Variants in GABRA2 observed in about 807,000 individuals in gnomAD.
GABRA2 encodes gamma-aminobutyric acid receptor subunit alpha-2.
GABRA2 carries 16 observed loss-of-function variants against 48.7 expected under a neutral mutation model. The observed-to-expected ratio is 0.33, with a 90% CI of 0.22 to 0.50. GABRA2 has a LOEUF of 0.50. GABRA2 is among the 20% of genes least tolerant of loss of function. The pLI is 0.98. For synonymous variants in GABRA2, 185 were observed against 184.5 expected, an observed-to-expected ratio of 1.00 and a Z score of -0.02; for missense variants, 275 against 535.6, an observed-to-expected ratio of 0.51 and a Z score of 4.80.
At chr4:46,253,965 G>A (rs1161243616) in intron 9 of GABRA2, among the ~76,000 whole-genome samples, 2 of 151,436 alleles carry the variant, frequency 1.3e-5, no homozygotes, top group Non-Finnish European at 1.5e-5. Context: ...CATGTTTAGG[G>A]AGAGAAAAAT....
At chr4:46,371,968 C>G (rs1436751587) in intron 3 of GABRA2, among the ~76,000 whole-genome samples, 1 of 152,136 alleles carries the variant, frequency 6.6e-6, no homozygotes, top group African/African-American at 2.4e-5. Context: ...GTGTGGCGCA[C>G]AGAACAGCAG....
Position 46,303,455 on chromosome 4 carries a change from C to T in GABRA2, c.856+5G>A. On this transcript the variant is annotated splice_donor_5th_base_variant and intron_variant, in intron 8 of 9. Coordinates refer to ENST00000381620, the MANE Select transcript of GABRA2 (RefSeq NM_000807.4). ...TGCTGTACTGCAAAGTGTGTATTCA[C>T]TCACCAAACACAGTTCTTGCAGGCA... 1 of 1,613,064 alleles carries T rather than the reference C, an allele frequency of 6.2e-7. No homozygotes were observed. Among genetic ancestry groups the T allele is most frequent in the Non-Finnish European group, 8.5e-7 (1 of 1,179,030 alleles).
chr4:46,380,022 A>G lies in GABRA2; in HGVS notation c.187+6052T>C, dbSNP rs541143806. Among the ~76,000 whole-genome samples, 3 of 152,276 alleles carry G rather than the reference A, an allele frequency of 2.0e-5. No homozygotes were observed. In the South Asian group the frequency reaches 6.2e-4, roughly 32 times the overall value. Reference sequence around the variant, plus strand: ...GTATGATGTGATCAAGCATCAGGATATATACTCTAAAGTTTCAAGACTCAG... The same window carrying G: ...GTATGATGTGATCAAGCATCAGGATGTATACTCTAAAGTTTCAAGACTCAG... On this transcript the variant is annotated intron_variant, in intron 3 of 9. Coordinates refer to ENST00000381620, the MANE Select transcript of GABRA2 (RefSeq NM_000807.4).
At chr4:46,354,253 T>G (rs896670184) in intron 3 of GABRA2, among the ~76,000 whole-genome samples, 1 of 152,160 alleles carries the variant, frequency 6.6e-6, no homozygotes, top group African/African-American at 2.4e-5. Context: ...TATCCAGCTC[T>G]AAAGCTTGGA....
At chr4:46,378,056 G>A (rs1433539159) in intron 3 of GABRA2, among the ~76,000 whole-genome samples, 116 of 150,678 alleles carry the variant, frequency 7.7e-4, no homozygotes, top group Non-Finnish European at 1.2e-3. Context: ...CCCCCCACCC[G>A]GCCAGCCGCC....
chr4:46,279,951 A>AT (rs1206291057), intron 8 of GABRA2, among the ~76,000 whole-genome samples: 1 of 151,842 alleles, frequency 6.6e-6, no homozygotes, highest in Non-Finnish European at 1.5e-5. Flanking sequence ...TTTCGAATGG[A>AT]TTTTTTTTCT....
chr4:46,381,932 T>A (rs941380930), intron 3 of GABRA2, among the ~76,000 whole-genome samples: 1 of 152,150 alleles, frequency 6.6e-6, no homozygotes, highest in African/African-American at 2.4e-5. Flanking sequence ...CTATAGTTGA[T>A]CATTTTCATG....
intron 8 of GABRA2, among the ~76,000 whole-genome samples, chr4:46,277,983 C>A (rs1311912136): frequency 6.6e-6 from 1 of 152,176 alleles, no homozygotes. Context: ...ATCTATCTAG[C>A]TAGACAGTTT....
chr4:46,342,155 A>G (rs566363984), intron 3 of GABRA2, among the ~76,000 whole-genome samples: 1 of 152,192 alleles, frequency 6.6e-6, no homozygotes, highest in Non-Finnish European at 1.5e-5. Flanking sequence ...AGATGAAACA[A>G]TGAAAGTTAA....
intron 3 of GABRA2, among the ~76,000 whole-genome samples, chr4:46,354,109 A>G (rs954516306): frequency 6.6e-6 from 1 of 152,138 alleles, no homozygotes; most frequent in Admixed American, 6.6e-5. Flanking sequence ...ACATTATTTT[A>G]TTTTGTCTCA....
At chr4:46,269,312 A>G (rs1718845577) in intron 8 of GABRA2, among the ~76,000 whole-genome samples, 1 of 151,956 alleles carries the variant, frequency 6.6e-6, no homozygotes, top group South Asian at 2.1e-4. Context: ...ATGTATATAT[A>G]CAGTTATGTG....
Position 46,376,891 on chromosome 4 carries a change from C to T in GABRA2, c.187+9183G>A, listed in dbSNP as rs538090301. 1.8e-4 allele frequency among the ~76,000 whole-genome samples: 28 copies of T among 152,230 alleles called. No homozygotes were observed. The South Asian group carries it at 4.8e-3, about 26-fold the overall frequency. On this transcript the variant is annotated intron_variant, in intron 3 of 9. Coordinates refer to ENST00000381620, the MANE Select transcript of GABRA2 (RefSeq NM_000807.4). ...CCGACTGCCTGCGATTGCAGGCGCG[C>T]GCCTGACTGGTTTTCCTATTTTTTT...
At chr4:46,382,829 A>G (rs1307925205) in intron 3 of GABRA2, among the ~76,000 whole-genome samples, 1 of 152,150 alleles carries the variant, frequency 6.6e-6, no homozygotes, top group African/African-American at 2.4e-5. Context: ...ATAGTTCAAA[A>G]CTGGTTCCTC....
intron 8 of GABRA2, among the ~76,000 whole-genome samples, chr4:46,276,427 C>G (rs368668057): frequency 3.3e-5 from 5 of 152,150 alleles, no homozygotes; most frequent in Admixed American, 6.5e-5. Flanking sequence ...GTGACAATTT[C>G]TACTACAGGG....
In GABRA2 at chr4:46,389,904, G is replaced by A. The variant is rs1560621909; in HGVS notation, c.-180C>T. ...CAAGAGAGCGTGGAGCGATGGGCTGGTGGAAGCCGGAGAGGAGCGCTAGGA... is the reference window on the plus strand; with the variant it reads ...CAAGAGAGCGTGGAGCGATGGGCTGATGGAAGCCGGAGAGGAGCGCTAGGA... On this transcript the variant is annotated 5_prime_UTR_variant, in exon 1 of 10. Coordinates refer to ENST00000381620, the MANE Select transcript of GABRA2 (RefSeq NM_000807.4). The A allele has an allele frequency of 2.7e-5, 27 of 987,172 alleles. No homozygotes were observed. Among genetic ancestry groups the A allele is most frequent in the Non-Finnish European group, 3.2e-5 (27 of 831,420 alleles). The allele number at this position is 987,172 out of a possible 1,614,324, so 61.2% of individuals were successfully genotyped here.
At chr4:46,354,552 T>C (rs1735666232) in intron 3 of GABRA2, among the ~76,000 whole-genome samples, 1 of 152,160 alleles carries the variant, frequency 6.6e-6, no homozygotes. Context: ...CTGATTCTCA[T>C]TTTTCTCTTG....
chr4:46,377,428 C>T (rs1436782505), intron 3 of GABRA2, among the ~76,000 whole-genome samples: 7 of 151,280 alleles, frequency 4.6e-5, no homozygotes, highest in African/African-American at 9.7e-5. Context: ...CCAGCCGCCC[C>T]GTCTGAGAAG....
At chr4:46,389,421 C>A in intron 1 of GABRA2, 1 of 985,234 alleles carries the variant, frequency 1.0e-6, no homozygotes, top group Non-Finnish European at 1.2e-6. Context: ...AGAGAAGGCG[C>A]GTGAGGCTCC....
At chr4:46,306,737 C>T (rs974032040) in intron 6 of GABRA2, among the ~76,000 whole-genome samples, 1 of 152,174 alleles carries the variant, frequency 6.6e-6, no homozygotes, top group Non-Finnish European at 1.5e-5. Context: ...GGCAACAGTT[C>T]TACCTCCAGC....
Sources: gnomAD v4.1 joint callset for allele counts (sites outside exome capture counted in the v4.1 genomes callset) on GRCh38, gnomAD v4.1.1 for gene constraint, MANE v1.5 for transcripts, NCBI Gene and HGNC (gene_info 2026-07-23, HGNC 2026-07-21) for gene names.